Variants in JAKMIP1 observed in about 807,000 individuals in gnomAD.
JAKMIP1 encodes the protein janus kinase and microtubule-interacting protein 1.
Under a neutral mutation model 113.0 loss-of-function variants are expected in JAKMIP1, and 33 were observed. That is an observed-to-expected ratio of 0.29 (90% CI 0.22 to 0.39). The LOEUF is 0.39. Ranked by LOEUF, JAKMIP1 falls within the 10% of genes least tolerant of loss-of-function variation. The pLI, the probability that JAKMIP1 is intolerant of heterozygous loss-of-function variation, is 1.00. For synonymous variants in JAKMIP1, 480 were observed against 459.9 expected, an observed-to-expected ratio of 1.04 and a Z score of -0.56; for missense variants, 813 against 1,080.5, an observed-to-expected ratio of 0.75 and a Z score of 3.47.
At chr4:6,126,157 AACAC>A (rs201158813) in intron 1 of JAKMIP1, among the ~76,000 whole-genome samples, 1 of 138,732 alleles carries the variant, frequency 7.2e-6, no homozygotes, top group Admixed American at 6.9e-5. Context: ...ACCATGCAGA[AACAC>A]ACACATGCAA....
At chr4:6,077,482 CTTTTT>C (rs34339999) in intron 8 of JAKMIP1, among the ~76,000 whole-genome samples, 5 of 81,518 alleles carry the variant, frequency 6.1e-5, no homozygotes, top group African/African-American at 5.0e-5. Flanking sequence ...ATTTCCTTTC[CTTTTT>C]TTTTTTTTTT....
rs1253180862 is a variant in JAKMIP1 at position 6,154,705 on chromosome 4, T to C, written c.-147-41708A>G. Among the ~76,000 whole-genome samples the C allele has an allele frequency of 1.3e-5, 2 of 151,898 alleles. No individual in the cohort carries two copies. The highest frequency in any genetic ancestry group is 6.5e-5 in the Admixed American group (1 of 15,268). The stretch of plus-strand genomic sequence containing the variant: ...TTCAATCCGGCCCGCTGAACCCCTC[T>C]TTCAGTTTACTTACTACCCAGCCCA... On this transcript the variant is annotated intron_variant, in intron 1 of 20. Transcript: ENST00000409021. The surrounding 1 kb of genome is among the most constrained non-coding windows in gnomAD (Gnocchi z 4.2).
intron 1 of JAKMIP1, among the ~76,000 whole-genome samples, chr4:6,128,726 T>C (rs1365207045): frequency 6.6e-6 from 1 of 152,148 alleles, no homozygotes; most frequent in Non-Finnish European, 1.5e-5. Context: ...AGAGTCCTTC[T>C]GGTGCCCCCA....
At chr4:6,085,656 A>G (rs773705094) in intron 3 of JAKMIP1, 27 bp from the exon 4 acceptor site, 1 of 1,604,776 alleles carries the variant, frequency 6.2e-7, no homozygotes, top group Non-Finnish European at 8.5e-7. Flanking sequence ...ATAAGCAGTC[A>G]GCCCTAGGGG....
intron 1 of JAKMIP1, among the ~76,000 whole-genome samples, chr4:6,170,056 C>G (rs1433962673): frequency 8.3e-6 from 1 of 120,982 alleles, no homozygotes; most frequent in Non-Finnish European, 1.7e-5. Flanking sequence ...ACCATCACCA[C>G]TCTCATCACC....
chr4:6,129,092 G>A lies in JAKMIP1; in HGVS notation c.-147-16095C>T, dbSNP rs1256995771. Among the ~76,000 whole-genome samples the A allele has an allele frequency of 3.3e-5, 5 of 152,230 alleles. No homozygotes were observed. Among genetic ancestry groups the A allele is most frequent in the Non-Finnish European group, 7.3e-5 (5 of 68,036 alleles). On this transcript the variant is annotated intron_variant, in intron 1 of 20. Transcript: ENST00000409021. This position sits in a 1 kb window ranked among gnomAD's most constrained non-coding sequence, Gnocchi z 5.4. ...ACAGTACCCCTGGGAGCCCTCTTTG[G>A]ATGCCTGCTGGATGATGAAGACATC...
intron 1 of JAKMIP1, among the ~76,000 whole-genome samples, chr4:6,133,294 T>G (rs1254691007): frequency 6.6e-6 from 1 of 152,248 alleles, no homozygotes; most frequent in Non-Finnish European, 1.5e-5. Flanking sequence ...GGATGGTGAC[T>G]TCGAGCACAA....
chr4:6,149,352 C>T (rs1324213804), intron 1 of JAKMIP1, among the ~76,000 whole-genome samples: 3 of 152,168 alleles, frequency 2.0e-5, no homozygotes, highest in African/African-American at 4.8e-5. Flanking sequence ...AAGAGACAAG[C>T]GGAGAAGAAC....
chr4:6,098,617 AAAAGAAAAAG>A (rs1443675433), intron 3 of JAKMIP1, among the ~76,000 whole-genome samples: 1 of 137,360 alleles, frequency 7.3e-6, no homozygotes, highest in African/African-American at 2.7e-5. Flanking sequence ...AAAAGAAAGA[AAAAGAAAAAG>A]AAAGAAAGAA....
chr4:6,036,490 T>C (rs1442218435), intron 18 of JAKMIP1, among the ~76,000 whole-genome samples: 1 of 152,192 alleles, frequency 6.6e-6, no homozygotes, highest in Non-Finnish European at 1.5e-5. Context: ...TCTCCCCTTT[T>C]CTAATGGGTG....
rs1006319200 is a variant in JAKMIP1 at position 6,167,543 on chromosome 4, A to T, written c.-148+32710T>A. Among the ~76,000 whole-genome samples the T allele has an allele frequency of 1.3e-5, 2 of 152,258 alleles. No individual in the cohort carries two copies. The highest frequency in any genetic ancestry group is 2.9e-5 in the Non-Finnish European group (2 of 68,048). Reference sequence around the variant, plus strand: ...AAGGGCCCTGAGCTTTGAAGGGCCCATGCTTAGTGCTCTTCTGATGCCATC... The same window carrying T: ...AAGGGCCCTGAGCTTTGAAGGGCCCTTGCTTAGTGCTCTTCTGATGCCATC... On this transcript the variant is annotated intron_variant, in intron 1 of 20. Coordinates refer to ENST00000409021, the MANE Select transcript of JAKMIP1 (RefSeq NM_001099433.2). The surrounding 1 kb of genome is among the most constrained non-coding windows in gnomAD (Gnocchi z 5.3).
chr4:6,152,365 G>A (rs1480436597), intron 1 of JAKMIP1, among the ~76,000 whole-genome samples: 2 of 152,124 alleles, frequency 1.3e-5, no homozygotes, highest in Admixed American at 1.3e-4. Context: ...ACCTAAGCCT[G>A]TAGCCCCAGC....
rs542994526 is a variant in JAKMIP1, at chr4:6,157,809, C to T, written c.-148+42444G>A. Reference sequence around the variant, plus strand: ...GGGTGTGAGTGAGGGACCGTAGAGTCGAGAATTCTGATGAAAAAACTTAAA... The same window carrying T: ...GGGTGTGAGTGAGGGACCGTAGAGTTGAGAATTCTGATGAAAAAACTTAAA... On this transcript the variant is annotated intron_variant, in intron 1 of 20. Transcript: ENST00000409021. The surrounding 1 kb of genome is among the most constrained non-coding windows in gnomAD (Gnocchi z 4.7). 5.3e-5 allele frequency among the ~76,000 whole-genome samples: 8 copies of T among 152,262 alleles called. No individual in the cohort carries two copies. The highest frequency in any genetic ancestry group is 1.2e-4 in the African/African-American group (5 of 41,540).
rs1725859362 is a variant in JAKMIP1 at position 6,180,208 on chromosome 4, C to A, written c.-148+20045G>T. ...ATCAGAAAACCACCAACTTCAATTCCCCACCAAACATACCCACAAACAGAA... is the reference window on the plus strand; with the variant it reads ...ATCAGAAAACCACCAACTTCAATTCACCACCAAACATACCCACAAACAGAA... On this transcript the variant is annotated intron_variant, in intron 1 of 20. Transcript: ENST00000409021. This position sits in a 1 kb window ranked among gnomAD's most constrained non-coding sequence, Gnocchi z 4.5. Among the ~76,000 whole-genome samples, 1 of 152,158 alleles carries A rather than the reference C, an allele frequency of 6.6e-6. No homozygotes were observed. The highest frequency in any genetic ancestry group is 6.5e-5 in the Admixed American group (1 of 15,274).
At chr4:6,038,069 G>A (rs1335017227) in intron 18 of JAKMIP1, among the ~76,000 whole-genome samples, 3 of 134,628 alleles carry the variant, frequency 2.2e-5, no homozygotes, top group Admixed American at 7.3e-5. Context: ...CTCCATCACC[G>A]AGGCAGAGGT....
At chr4:6,055,499 T>C (rs996914905) in intron 12 of JAKMIP1, among the ~76,000 whole-genome samples, 4 of 152,228 alleles carry the variant, frequency 2.6e-5, no homozygotes, top group African/African-American at 7.2e-5. Context: ...GTTCCCATTA[T>C]GGGTCAGCTG....
rs1719175508 is a variant in JAKMIP1, at chr4:6,135,936, A to G, written c.-147-22939T>C. ...GGGGGGACAGCAAAAATAAGGAGTGAATGAAGTGTCCCTTCAACATGGACC... is the reference window on the plus strand; with the variant it reads ...GGGGGGACAGCAAAAATAAGGAGTGGATGAAGTGTCCCTTCAACATGGACC... On this transcript the variant is annotated intron_variant, in intron 1 of 20. Transcript: ENST00000409021. The surrounding 1 kb of genome is among the most constrained non-coding windows in gnomAD (Gnocchi z 4.9). Among the ~76,000 whole-genome samples the G allele has an allele frequency of 6.6e-6, 1 of 152,098 alleles. No individual in the cohort carries two copies. The highest frequency in any genetic ancestry group is 1.5e-5 in the Non-Finnish European group (1 of 68,018).
chr4:6,112,261 G>A (rs1190080453), intron 2 of JAKMIP1, among the ~76,000 whole-genome samples: 14 of 152,164 alleles, frequency 9.2e-5, no homozygotes, highest in Non-Finnish European at 2.9e-5. Context: ...AATCACAGGT[G>A]ACCCATGGAT....
At position 6,178,939 on chromosome 4, in the gene JAKMIP1, A is replaced by C. The variant is rs746160450; in HGVS notation, c.-148+21314T>G. The stretch of plus-strand genomic sequence containing the variant: ...GCACAGTGCCTGGCTCGGAGAGCAC[A>C]CTCGGTCATTCATTTATGAATTGTT... On this transcript the variant is annotated intron_variant, in intron 1 of 20. Coordinates refer to ENST00000409021, the MANE Select transcript of JAKMIP1 (RefSeq NM_001099433.2). This position sits in a 1 kb window ranked among gnomAD's most constrained non-coding sequence, Gnocchi z 5.5. Among the ~76,000 whole-genome samples, 1 of 152,136 alleles carries C rather than the reference A, an allele frequency of 6.6e-6. No individual in the cohort carries two copies. Among genetic ancestry groups the C allele is most frequent in the African/African-American group, 2.4e-5 (1 of 41,420 alleles).
Sources: allele counts gnomAD v4.1 joint callset (sites outside exome capture counted in the v4.1 genomes callset), GRCh38; gene constraint gnomAD v4.1.1; non-coding constraint Gnocchi (gnomAD v3.1); transcripts MANE v1.5; gene names NCBI Gene and HGNC (gene_info 2026-07-23, HGNC 2026-07-21).